Variants in ADCY9 observed in about 807,000 individuals in gnomAD.
The protein encoded by ADCY9 is adenylate cyclase 9, also known as adenylate cyclase type 9.
Under a neutral mutation model 101.5 loss-of-function variants are expected in ADCY9, and 50 were observed. The ratio of observed to expected loss-of-function variants is 0.49; its 90% confidence interval spans 0.39 to 0.62. The LOEUF (loss-of-function observed/expected upper bound fraction) is 0.62, where lower values mean the gene tolerates loss of function less well. Among genes scored for constraint, ADCY9 ranks in the 20% least tolerant of loss-of-function variants. The pLI, the probability that ADCY9 is intolerant of heterozygous loss-of-function variation, is 0.00. For missense variants in ADCY9, 1,662 were observed against 1,800.4 expected, an observed-to-expected ratio of 0.92 and a Z score of 1.39; for synonymous variants, 905 against 769.3, an observed-to-expected ratio of 1.18 and a Z score of -2.92.
chr16:3,971,591 C>T (rs192127685), intron 10 of ADCY9, among the ~76,000 whole-genome samples: 1 of 152,330 alleles, frequency 6.6e-6, no homozygotes. Flanking sequence ...ATGACTCAAA[C>T]ATATTTCTGT....
Position 3,979,132 on chromosome 16 carries a change from T to C in ADCY9, c.2663A>G (p.Tyr888Cys). ...LAVYSHVTSE[Y>C]ETNIHFPVFT... ...TTTACTTACGTGTATGTTGGTCTCATATTCGGAGGTGACATGGGAGTAGAC... is the reference window on the plus strand; with the variant it reads ...TTTACTTACGTGTATGTTGGTCTCACATTCGGAGGTGACATGGGAGTAGAC... The change falls in exon 8 of 11, where the codon TAT (tyrosine) becomes TGT (cysteine). Residue 888 changes from tyrosine to cysteine, a missense_variant. Transcript: ENST00000294016. The C allele has an allele frequency of 6.2e-7, 1 of 1,614,178 alleles. No homozygotes were observed. Among genetic ancestry groups the C allele is most frequent in the Non-Finnish European group, 8.5e-7 (1 of 1,180,030 alleles).
intron 3 of ADCY9, among the ~76,000 whole-genome samples, chr16:4,001,513 G>A (rs1314409480): frequency 1.3e-5 from 2 of 152,106 alleles, no homozygotes; most frequent in Non-Finnish European, 2.9e-5. Flanking sequence ...GCATCTGCCC[G>A]GTTTGTCCAC....
At chr16:3,960,708 G>A (rs1454932019), downstream of ADCY9, among the ~76,000 whole-genome samples, 3 of 151,952 alleles carry the variant, frequency 2.0e-5, no homozygotes, top group Non-Finnish European at 2.9e-5. Flanking sequence ...ACAGGCACGC[G>A]GATTACTTAA....
chr16:4,046,772 G>T (rs201587881), intron 2 of ADCY9, among the ~76,000 whole-genome samples: 1 of 152,060 alleles, frequency 6.6e-6, no homozygotes, highest in Non-Finnish European at 1.5e-5. Context: ...AAAGAGCTTC[G>T]CTAGAGCCCA....
intron 3 of ADCY9, among the ~76,000 whole-genome samples, chr16:3,998,340 G>A (rs1413785730): frequency 6.6e-6 from 1 of 152,156 alleles, no homozygotes; most frequent in Admixed American, 6.5e-5. Context: ...GAGCCCAGGA[G>A]GGAGAGGCTG....
intron 2 of ADCY9, among the ~76,000 whole-genome samples, chr16:4,053,769 C>A (rs1022983382): frequency 1.3e-5 from 2 of 152,164 alleles, no homozygotes; most frequent in African/African-American, 2.4e-5. Flanking sequence ...TGCACAATAT[C>A]CTGCTCATGC....
At chr16:4,098,112 G>A (rs2057019770) in intron 2 of ADCY9, among the ~76,000 whole-genome samples, 1 of 152,174 alleles carries the variant, frequency 6.6e-6, no homozygotes, top group Non-Finnish European at 1.5e-5. Context: ...AATTCCTGGA[G>A]TTGGGCCTTC....
chr16:4,048,011 T>G (rs2141145583), intron 2 of ADCY9, among the ~76,000 whole-genome samples: 1 of 152,094 alleles, frequency 6.6e-6, no homozygotes, highest in Non-Finnish European at 1.5e-5. Flanking sequence ...TTCTGTGACG[T>G]CCCCTTCAGC....
intron 5 of ADCY9, among the ~76,000 whole-genome samples, chr16:3,955,020 G>A (rs1038938631): frequency 4.6e-5 from 7 of 152,136 alleles, no homozygotes; most frequent in African/African-American, 1.7e-4. Context: ...GAAGAGACGG[G>A]GGAACTTGGA....
intron 2 of ADCY9, among the ~76,000 whole-genome samples, chr16:4,096,341 A>C (rs1263410809): frequency 6.6e-6 from 1 of 152,238 alleles, no homozygotes. Context: ...ATCTATCTCA[A>C]ACTTTATATT....
chr16:4,054,376 G>A (rs775012246), intron 2 of ADCY9, among the ~76,000 whole-genome samples: 1 of 151,708 alleles, frequency 6.6e-6, no homozygotes, highest in Admixed American at 6.6e-5. Flanking sequence ...CAAAATTCCC[G>A]ATTTTCCCAA....
At chr16:4,000,564 G>T (rs563853826) in intron 3 of ADCY9, among the ~76,000 whole-genome samples, 2 of 152,172 alleles carry the variant, frequency 1.3e-5, no homozygotes, top group African/African-American at 4.8e-5. Context: ...CACAGAAAAA[G>T]AAATTTTCTT....
chr16:3,976,807 G>A (rs776963310), intron 9 of ADCY9, among the ~76,000 whole-genome samples: 236 of 152,184 alleles, frequency 1.6e-3, no homozygotes, highest in Non-Finnish European at 2.8e-3. Flanking sequence ...ACAGGTGCAC[G>A]CCCCCATGCC....
intron 6 of ADCY9, among the ~76,000 whole-genome samples, chr16:3,988,021 G>T (rs2056208784): frequency 6.7e-6 from 1 of 148,574 alleles, no homozygotes; most frequent in African/African-American, 2.6e-5. Flanking sequence ...TGGGTGTTGG[G>T]ACTGTGCTGG....
intron 5 of ADCY9, among the ~76,000 whole-genome samples, chr16:3,955,455 C>A (rs1215486921): frequency 1.3e-5 from 2 of 152,162 alleles, no homozygotes; most frequent in Admixed American, 6.5e-5. Flanking sequence ...CTTCAATATT[C>A]AAAAAGAAGC....
intron 10 of ADCY9, among the ~76,000 whole-genome samples, chr16:3,971,636 G>C (rs758600605): frequency 6.6e-6 from 1 of 152,198 alleles, no homozygotes; most frequent in South Asian, 2.1e-4. Context: ...ATTGTAAATA[G>C]AGCAGGAAGA....
intron 2 of ADCY9, among the ~76,000 whole-genome samples, chr16:4,101,890 C>T (rs1168089978): frequency 6.6e-6 from 1 of 152,122 alleles, no homozygotes; most frequent in African/African-American, 2.4e-5. Context: ...AGGAACGAGC[C>T]TGCTGAACCC....
chr16:4,080,981 A>C (rs1467780613), intron 2 of ADCY9, among the ~76,000 whole-genome samples: 1 of 152,198 alleles, frequency 6.6e-6, no homozygotes, highest in Non-Finnish European at 1.5e-5. Context: ...TTCAAAGTTC[A>C]TAAAAACAAG....
At chr16:4,000,999 A>ACACACACACG (rs35603837) in intron 3 of ADCY9, among the ~76,000 whole-genome samples, 1 of 150,620 alleles carries the variant, frequency 6.6e-6, no homozygotes, top group African/African-American at 2.4e-5. Flanking sequence ...ACACACACAC[A>ACACACACACG]CACACACACA....
Sources: gnomAD v4.1 joint callset for allele counts (sites outside exome capture counted in the v4.1 genomes callset) on GRCh38, gnomAD v4.1.1 for gene constraint, MANE v1.5 for transcripts, NCBI Gene and HGNC (gene_info 2026-07-23, HGNC 2026-07-21) for gene names.